CAPN5: variants seen among roughly 807,000 people sequenced by gnomAD.
CAPN5 encodes calpain-5.
A neutral mutation model predicts 73.0 loss-of-function variants in CAPN5; 54 were observed. The observed-to-expected ratio is 0.74, with a 90% CI of 0.59 to 0.93. The LOEUF (loss-of-function observed/expected upper bound fraction) is 0.93. Ranked by LOEUF, CAPN5 falls within the 40% of genes least tolerant of loss-of-function variation. The probability of loss-of-function intolerance (pLI) is 0.00; values close to 1 mark genes in which losing one functional copy is unlikely to be tolerated. For missense variants in CAPN5, 785 were observed against 882.9 expected, an observed-to-expected ratio of 0.89 and a Z score of 1.41; for synonymous variants, 335 against 356.9, an observed-to-expected ratio of 0.94 and a Z score of 0.69.
chr11:77,092,787 A>T (rs1162561220), intron 2 of CAPN5, among the ~76,000 whole-genome samples: 1 of 152,106 alleles, frequency 6.6e-6, no homozygotes. Context: ...GCCAACATGG[A>T]GAAACCCTGT....
In CAPN5 at chr11:77,120,709, G is replaced by A; in HGVS notation, c.1291-4G>A. On this transcript the variant is annotated splice_polypyrimidine_tract_variant and splice_region_variant and intron_variant, in intron 9 of 12. Coordinates refer to ENST00000648180, the MANE Select transcript of CAPN5 (RefSeq NM_004055.5). ...CGTGGCCCAGCCCCTCCCGCCTCCT[G>A]CAGGTGGAGGAGAACCGCCAGTACC... 6.3e-7 allele frequency: 1 copy of A among 1,598,168 alleles called. No homozygotes were observed.
At chr11:77,120,367 G>T (rs2135486920) in intron 9 of CAPN5, 1 of 197,526 alleles carries the variant, frequency 5.1e-6, no homozygotes, top group African/African-American at 2.3e-5. Context: ...AGTTTTTATT[G>T]AGATATAATT....
rs200994438 is a variant in CAPN5 at position 77,112,627 on chromosome 11, A to G, written c.336A>G (p.Glu112=). 298 of 1,614,118 alleles carry G rather than the reference A, an allele frequency of 1.8e-4. 4 individuals are homozygous for G. The East Asian group carries it at 4.5e-3, about 24-fold the overall frequency. The part of the protein sequence containing the change: ...PDWKEQEWDP[E]KPNAYAGIFH... The stretch of plus-strand genomic sequence containing the variant: ...GGAAGGAGCAGGAATGGGACCCCGA[A>G]AAGCCCAACGCCTACGCGGGCATCT... Residue 112 remains glutamate, a synonymous_variant, in exon 4 of 13, where the codon GAA becomes GAG. Transcript: ENST00000648180.
chr11:77,116,347 C>T, intron 7 of CAPN5, 44 bp downstream of exon 7: 1 of 1,521,822 alleles, frequency 6.6e-7, no homozygotes, highest in Non-Finnish European at 9.1e-7. Flanking sequence ...GAGGGGGCTT[C>T]CCACGGGCCT....
At chr11:77,112,862 C>T (rs1287043521) in intron 4 of CAPN5, 65 bp downstream of exon 4, 13 of 1,434,550 alleles carry the variant, frequency 9.1e-6, no homozygotes, top group African/African-American at 1.4e-5. Flanking sequence ...ATGGGCTCCT[C>T]GTGGTATTCC....
chr11:77,113,996 G>A (rs1266145387), intron 4 of CAPN5, among the ~76,000 whole-genome samples: 4 of 150,892 alleles, frequency 2.7e-5, no homozygotes, highest in African/African-American at 7.3e-5. Context: ...TTGGAAAAGA[G>A]TTGCTTTTTT....
intron 4 of CAPN5, among the ~76,000 whole-genome samples, chr11:77,113,670 A>T (rs1314287955): frequency 6.6e-6 from 1 of 152,070 alleles, no homozygotes; most frequent in Admixed American, 6.5e-5. Flanking sequence ...GGCAGGTTCC[A>T]CTTTCAATCC....
chr11:77,083,945 A>G (rs532313779), intron 1 of CAPN5, among the ~76,000 whole-genome samples: 1 of 152,104 alleles, frequency 6.6e-6, no homozygotes, highest in East Asian at 1.9e-4. Flanking sequence ...CCCCAAAAGG[A>G]TTGCACTGTT....
At chr11:77,119,355 G>A (rs782749952) in intron 9 of CAPN5, 2 of 602,798 alleles carry the variant, frequency 3.3e-6, no homozygotes, top group African/African-American at 1.9e-5. Flanking sequence ...CTTGGCTTCT[G>A]TGGGAGCTCT....
chr11:77,116,614 A>G (rs969667449), intron 7 of CAPN5, among the ~76,000 whole-genome samples: 1 of 152,078 alleles, frequency 6.6e-6, no homozygotes, highest in African/African-American at 2.4e-5. Context: ...GCCCACCAGG[A>G]TCTCCCCGGC....
chr11:77,105,730 G>A lies in CAPN5; in HGVS notation c.298-6859G>A, dbSNP rs377608979. 1.9e-4 allele frequency among the ~76,000 whole-genome samples: 29 copies of A among 152,270 alleles called. 3 individuals are homozygous for A. Among genetic ancestry groups the A allele is most frequent in the African/African-American group, 7.0e-4 (29 of 41,562 alleles). On this transcript the variant is annotated intron_variant, in intron 3 of 12. Coordinates refer to ENST00000648180, the MANE Select transcript of CAPN5 (RefSeq NM_004055.5). ...AGGTCCTTCCAGCCCCACCCTCCAG[G>A]AATTGTCAAACCTGTGCTGGGCTAG... is the stretch of plus-strand genomic sequence containing the variant.
chr11:77,083,995 G>T (rs782372023), intron 1 of CAPN5, among the ~76,000 whole-genome samples: 2 of 152,226 alleles, frequency 1.3e-5, no homozygotes, highest in African/African-American at 2.4e-5. Flanking sequence ...CGGGGACTGT[G>T]GAGCTGCACC....
intron 3 of CAPN5, chr11:77,103,438 T>G: frequency 7.2e-7 from 1 of 1,379,920 alleles, no homozygotes; most frequent in Non-Finnish European, 9.8e-7. Flanking sequence ...GCTCAGCCTG[T>G]CCTCTGCTTG....
Position 77,097,263 on chromosome 11 carries a change from C to T in CAPN5, c.297+3450C>T, listed in dbSNP as rs150252877. Among the ~76,000 whole-genome samples the T allele has an allele frequency of 5.8e-4, 89 of 152,176 alleles. No individual in the cohort carries two copies. The East Asian group carries it at 0.014, about 24-fold the overall frequency. On this transcript the variant is annotated intron_variant, in intron 3 of 12. Coordinates refer to ENST00000648180, the MANE Select transcript of CAPN5 (RefSeq NM_004055.5). ...AAGTGCCTCCCACTATGTCCCTGAC[C>T]GGGTTATATTAGCAGTTCCTGCTCT...
chr11:77,102,733 G>T (rs982511442), intron 3 of CAPN5: 2 of 1,304,942 alleles, frequency 1.5e-6, no homozygotes, highest in Non-Finnish European at 2.0e-6. Context: ...GGGGAAGAGG[G>T]AAGGGCAGAA....
intron 1 of CAPN5, among the ~76,000 whole-genome samples, chr11:77,076,903 T>C (rs560987395): frequency 4.6e-5 from 7 of 152,358 alleles, no homozygotes; most frequent in Non-Finnish European, 8.8e-5. Context: ...TGCTGGATCA[T>C]ATGGTAGTTT....
intron 2 of CAPN5, among the ~76,000 whole-genome samples, chr11:77,085,888 T>A (rs1379824288): frequency 6.6e-6 from 1 of 152,090 alleles, no homozygotes; most frequent in Non-Finnish European, 1.5e-5. Context: ...CTGAGGGTCG[T>A]CCCCTCACAA....
At chr11:77,105,271 CA>C (rs1200306878) in intron 3 of CAPN5, among the ~76,000 whole-genome samples, 5 of 152,020 alleles carry the variant, frequency 3.3e-5, no homozygotes, top group African/African-American at 1.2e-4. Flanking sequence ...CGGCCCCGAG[CA>C]CTTGCTCCCT....
At chr11:77,079,917 T>G (rs892643024) in intron 1 of CAPN5, among the ~76,000 whole-genome samples, 1 of 152,194 alleles carries the variant, frequency 6.6e-6, no homozygotes, top group Non-Finnish European at 1.5e-5. Flanking sequence ...TGGGCACTTT[T>G]TCTTCCATTT....
Sources: gnomAD v4.1 joint callset for allele counts (sites outside exome capture counted in the v4.1 genomes callset) on GRCh38, gnomAD v4.1.1 for gene constraint, MANE v1.5 for transcripts, NCBI Gene and HGNC (gene_info 2026-07-23, HGNC 2026-07-21) for gene names.